EBPL: variants seen among roughly 807,000 people sequenced by gnomAD.
EBPL encodes the protein EBP like, also known as emopamil-binding protein-like.
Under a neutral mutation model 19.0 loss-of-function variants are expected in EBPL, and 20 were observed. That is an observed-to-expected ratio of 1.05 (90% CI 0.74 to 1.53). EBPL has a LOEUF of 1.53. Among genes scored for constraint, EBPL ranks in the 40% most tolerant of loss-of-function variants. EBPL has a pLI of 0.00. For missense variants in EBPL, 219 were observed against 261.1 expected (o/e 0.84, Z 1.11); for synonymous variants, 107 against 117.0 (o/e 0.91, Z 0.55).
chr13:49,660,820 G>A lies in EBPL; in HGVS notation c.*148C>T, dbSNP rs544485986. The A allele has an allele frequency of 2.4e-5, 15 of 621,878 alleles. No individual in the cohort carries two copies. The highest frequency in any genetic ancestry group is 4.1e-5 in the Non-Finnish European group (15 of 367,764). 38.5% of individuals were successfully genotyped at this position (621,878 alleles called of 1,614,324 possible). On this transcript the variant is annotated 3_prime_UTR_variant, in exon 4 of 4. Transcript: ENST00000242827. ...AACAACAATACAACGAAAACTGGTC[G>A]CCTTAAAACCAATTTGAAACAGGTT...
intron 1 of EBPL, among the ~76,000 whole-genome samples, chr13:49,680,695 G>A (rs905596132): frequency 3.9e-5 from 6 of 152,106 alleles, no homozygotes; most frequent in South Asian, 2.1e-4. Context: ...GGTGGCACGC[G>A]ACTGTAGTCC....
At position 49,672,945 on chromosome 13, in the gene EBPL, G is replaced by A. The variant is rs146033797; in HGVS notation, c.172-3099C>T. Among the ~76,000 whole-genome samples the A allele has an allele frequency of 7.8e-3, 1,186 of 152,098 alleles. 35 individuals are homozygous for A. Among genetic ancestry groups the A allele is most frequent in the Admixed American group, 0.037 (570 of 15,254 alleles). On this transcript the variant is annotated intron_variant, in intron 1 of 3. Coordinates refer to ENST00000242827, the MANE Select transcript of EBPL (RefSeq NM_032565.5). ...TGTGGTGGTGTGTGCCTGGAGTCCC[G>A]GCTACTTAGGAGGCTGAGGCAGGAG...
intron 3 of EBPL, among the ~76,000 whole-genome samples, chr13:49,662,238 C>T (rs2137480414): frequency 6.6e-6 from 1 of 152,288 alleles, no homozygotes; most frequent in East Asian, 1.9e-4. Context: ...TCTCGTGATC[C>T]ACCTGCCTCG....
chr13:49,665,465 T>G (rs1343159763), intron 2 of EBPL, among the ~76,000 whole-genome samples: 2 of 152,230 alleles, frequency 1.3e-5, no homozygotes, highest in Non-Finnish European at 2.9e-5. Flanking sequence ...GAGATGGGGT[T>G]TCACCATGTT....
In EBPL at chr13:49,685,536, G is replaced by A. The variant is rs569249718; in HGVS notation, c.171+5718C>T. Among the ~76,000 whole-genome samples, 6 of 152,230 alleles carry A rather than the reference G, an allele frequency of 3.9e-5. No homozygotes were observed. In the East Asian group the frequency reaches 5.8e-4, roughly 15 times the overall value. Reference sequence around the variant, plus strand: ...CCCAAGATCTACGCCCCAGAATCTCGTCCCAAAGCCTAGCACCAAAACAGC... The same window carrying A: ...CCCAAGATCTACGCCCCAGAATCTCATCCCAAAGCCTAGCACCAAAACAGC... On this transcript the variant is annotated intron_variant, in intron 1 of 3. Coordinates refer to ENST00000242827, the MANE Select transcript of EBPL (RefSeq NM_032565.5).
intron 3 of EBPL, chr13:49,662,004 T>C (rs1965157689): frequency 7.4e-7 from 1 of 1,351,166 alleles, no homozygotes; most frequent in Non-Finnish European, 1.0e-6. Context: ...TTTTCATCCT[T>C]TTTTTTTGAG....
At chr13:49,680,639 T>C (rs778395606) in intron 1 of EBPL, among the ~76,000 whole-genome samples, 37 of 152,286 alleles carry the variant, frequency 2.4e-4, no homozygotes, top group Middle Eastern at 3.4e-3. Flanking sequence ...CTGGCCATCA[T>C]GGTGAAACCC....
intron 1 of EBPL, among the ~76,000 whole-genome samples, chr13:49,685,221 G>C (rs757699006): frequency 9.9e-5 from 15 of 152,178 alleles, no homozygotes; most frequent in Non-Finnish European, 2.1e-4. Context: ...TATTAAAACA[G>C]TGGCTAGAAC....
At chr13:49,684,831 C>A (rs1953980690) in intron 1 of EBPL, among the ~76,000 whole-genome samples, 1 of 152,182 alleles carries the variant, frequency 6.6e-6, no homozygotes, top group African/African-American at 2.4e-5. Flanking sequence ...ATAAAGATAT[C>A]ATTTAATCTC....
intron 1 of EBPL, among the ~76,000 whole-genome samples, chr13:49,678,059 G>C (rs1377752309): frequency 6.6e-6 from 1 of 152,230 alleles, no homozygotes; most frequent in South Asian, 2.1e-4. Context: ...GGCTTGGGCA[G>C]CCTGCTTTTA....
intron 1 of EBPL, among the ~76,000 whole-genome samples, chr13:49,682,463 G>A (rs1349480062): frequency 6.6e-6 from 1 of 152,172 alleles, no homozygotes; most frequent in African/African-American, 2.4e-5. Context: ...ATGGCAAGGA[G>A]GATTCACACT....
chr13:49,669,928 C>T (rs1594407620), intron 1 of EBPL, 82 bp from the exon 2 acceptor site: 2 of 1,056,712 alleles, frequency 1.9e-6, no homozygotes, highest in Non-Finnish European at 1.5e-6. Context: ...CATTGCCTGG[C>T]TCCATCCCCC....
At chr13:49,678,252 A>T (rs1411222365) in intron 1 of EBPL, among the ~76,000 whole-genome samples, 2 of 152,234 alleles carry the variant, frequency 1.3e-5, no homozygotes, top group Non-Finnish European at 2.9e-5. Context: ...CACTGGACTC[A>T]GAAGCCCAGC....
chr13:49,685,699 C>T (rs374310283), intron 1 of EBPL, among the ~76,000 whole-genome samples: 82 of 152,108 alleles, frequency 5.4e-4, no homozygotes, highest in African/African-American at 1.9e-3. Flanking sequence ...ATGGTGAAAC[C>T]GTGTCTCTAC....
At position 49,678,991 on chromosome 13, in the gene EBPL, G is replaced by A. The variant is rs555464106; in HGVS notation, c.172-9145C>T. On this transcript the variant is annotated intron_variant, in intron 1 of 3. Transcript: ENST00000242827. ...CGTGTGTGTCTGTGCCTGGGTGACA[G>A]AGTGAGACTCCGTCTAAAAAAAAAA... Among the ~76,000 whole-genome samples the A allele has an allele frequency of 4.3e-5, 5 of 116,562 alleles. No individual in the cohort carries two copies. The East Asian group carries it at 1.2e-3, about 27-fold the overall frequency. 76.5% of individuals were successfully genotyped at this position (116,562 alleles called of 152,430 possible). A position where few individuals can be genotyped will look rare whatever the true frequency, so the allele number is the denominator to read the frequency against.
At chr13:49,683,317 G>C (rs1953962019) in intron 1 of EBPL, among the ~76,000 whole-genome samples, 1 of 151,910 alleles carries the variant, frequency 6.6e-6, no homozygotes, top group South Asian at 2.1e-4. Flanking sequence ...ATGAGGTCAG[G>C]AGATGGAGAC....
intron 3 of EBPL, among the ~76,000 whole-genome samples, chr13:49,662,134 C>A (rs957340126): frequency 6.6e-6 from 1 of 152,164 alleles, no homozygotes; most frequent in African/African-American, 2.4e-5. Flanking sequence ...CTGGGACTTA[C>A]AGGCACCCGC....
chr13:49,662,025 G>T, intron 3 of EBPL: 1 of 1,128,402 alleles, frequency 8.9e-7, no homozygotes, highest in Non-Finnish European at 1.3e-6. Context: ...ACAGAGTCTC[G>T]CTCTGTCACC....
chr13:49,670,877 T>C (rs1342314629), intron 1 of EBPL, among the ~76,000 whole-genome samples: 1 of 152,206 alleles, frequency 6.6e-6, no homozygotes, highest in African/African-American at 2.4e-5. Context: ...CCGCACCCTG[T>C]TCCCAACTCT....
Sources: gnomAD v4.1 joint callset for allele counts (sites outside exome capture counted in the v4.1 genomes callset) on GRCh38, gnomAD v4.1.1 for gene constraint, MANE v1.5 for transcripts, NCBI Gene and HGNC (gene_info 2026-07-23, HGNC 2026-07-21) for gene names.